The following TENM3 variants were observed in gnomAD, a reference collection of about 807,000 sequenced individuals.
TENM3 encodes teneurin transmembrane protein 3, also known as teneurin-3.
Under a neutral mutation model 255.1 loss-of-function variants are expected in TENM3, and 63 were observed. The observed-to-expected ratio is 0.25, with a 90% CI of 0.20 to 0.30. The LOEUF (loss-of-function observed/expected upper bound fraction) is 0.30, where lower values mean the gene tolerates loss of function less well. Ranked by LOEUF, TENM3 falls within the 10% of genes least tolerant of loss-of-function variation. The pLI is 1.00. For synonymous variants in TENM3, 1,306 were observed against 1,322.3 expected (o/e 0.99, Z 0.27); for missense variants, 2,929 against 3,461.1 (o/e 0.85, Z 3.86).
At chr4:182,182,536 C>T (rs531522965) in intron 1 of TENM3, among the ~76,000 whole-genome samples, 1 of 152,216 alleles carries the variant, frequency 6.6e-6, no homozygotes, top group African/African-American at 2.4e-5. Context: ...ATTTCTGCAC[C>T]AGGAGAATGA....
chr4:181,693,301 C>A, the TENM3 span, among the ~76,000 whole-genome samples: 3 of 152,190 alleles, frequency 2.0e-5, no homozygotes, highest in Non-Finnish European at 4.4e-5. Context: ...ATATTCATTT[C>A]GCTATGACTC....
At chr4:182,343,823 A>G (rs931066025) in intron 2 of TENM3, among the ~76,000 whole-genome samples, 1 of 152,314 alleles carries the variant, frequency 6.6e-6, no homozygotes, top group Non-Finnish European at 1.5e-5. Flanking sequence ...AGATCTTTCC[A>G]GGGGTGTTTG....
At chr4:182,117,336 C>G in the TENM3 span, among the ~76,000 whole-genome samples, 1 of 152,122 alleles carries the variant, frequency 6.6e-6, no homozygotes, top group Non-Finnish European at 1.5e-5. Flanking sequence ...TTGACAAAGG[C>G]ACGGATGATG....
At chr4:182,180,965 TGAA>T (rs532071469) in intron 1 of TENM3, among the ~76,000 whole-genome samples, 1 of 152,106 alleles carries the variant, frequency 6.6e-6, no homozygotes, top group African/African-American at 2.4e-5. Context: ...GTCACCTGAC[TGAA>T]GAAGAATTCT....
At chr4:182,603,367 T>C (rs933767305) in intron 4 of TENM3, among the ~76,000 whole-genome samples, 3 of 152,202 alleles carry the variant, frequency 2.0e-5, no homozygotes, top group Non-Finnish European at 4.4e-5. Context: ...TACAGAATAA[T>C]TAATCTAAAA....
At chr4:181,737,872 A>G in the TENM3 span, among the ~76,000 whole-genome samples, 1 of 150,822 alleles carries the variant, frequency 6.6e-6, no homozygotes, top group African/African-American at 2.4e-5. Context: ...AGGATGTGGT[A>G]TTACATAAAT....
At chr4:181,784,575 T>C in the TENM3 span, among the ~76,000 whole-genome samples, 94 of 152,274 alleles carry the variant, frequency 6.2e-4, no homozygotes, top group Non-Finnish European at 4.9e-4. Context: ...CTGTGTTTTG[T>C]CCTTTCAAAT....
At chr4:182,598,198 A>G (rs564921541) in intron 3 of TENM3, among the ~76,000 whole-genome samples, 1 of 152,086 alleles carries the variant, frequency 6.6e-6, no homozygotes, top group Non-Finnish European at 1.5e-5. Flanking sequence ...AATTAAAAAA[A>G]TTTTTTTTAA....
chr4:182,753,741 A>G (rs1762528682), intron 21 of TENM3, 137 bp downstream of exon 21: 2 of 673,912 alleles, frequency 3.0e-6, no homozygotes, highest in Non-Finnish European at 4.7e-6. Context: ...TTCCATTTAC[A>G]TGTATCACAG....
chr4:181,738,602 G>A, the TENM3 span, among the ~76,000 whole-genome samples: 86 of 152,070 alleles, frequency 5.7e-4, no homozygotes, highest in African/African-American at 1.8e-3. Context: ...TTGATTGTTC[G>A]TAGCATTTCC....
At chr4:182,593,542 G>T (rs1746881851) in intron 3 of TENM3, among the ~76,000 whole-genome samples, 1 of 152,112 alleles carries the variant, frequency 6.6e-6, no homozygotes, top group African/African-American at 2.4e-5. Flanking sequence ...CTCCCTTCCA[G>T]ATTAGGGTAT....
the TENM3 span, among the ~76,000 whole-genome samples, chr4:181,650,333 C>T: frequency 6.6e-6 from 1 of 152,128 alleles, no homozygotes; most frequent in Non-Finnish European, 1.5e-5. Flanking sequence ...AGAGCATAAA[C>T]AAAGCATGTA....
chr4:182,779,312 G>A (rs1332217561), intron 24 of TENM3, among the ~76,000 whole-genome samples: 1 of 151,622 alleles, frequency 6.6e-6, no homozygotes, highest in African/African-American at 2.4e-5. Flanking sequence ...ACGGTGTTTG[G>A]TTTTTTTGTA....
At chr4:182,055,269 C>A in the TENM3 span, among the ~76,000 whole-genome samples, 1 of 151,964 alleles carries the variant, frequency 6.6e-6, no homozygotes, top group Non-Finnish European at 1.5e-5. Context: ...ATTGCTTGAG[C>A]CTGAGGAGGT....
intron 1 of TENM3, among the ~76,000 whole-genome samples, chr4:182,259,486 A>AT (rs1383963833): frequency 6.6e-6 from 1 of 151,780 alleles, no homozygotes; most frequent in Non-Finnish European, 1.5e-5. Flanking sequence ...TAATTTTTAA[A>AT]TTTTTTTGTA....
rs1157824074 is a variant in TENM3 at position 182,751,932 on chromosome 4, A to G, written c.3762A>G (p.Ala1254=). ...LTGAKDLTKN[A]EVVAGTGEQC... ...GGGCAAAAGACTTGACTAAAAATGC[A>G]GAAGTCGTCGCAGGGACAGGGGAGC... The change falls in exon 20 of 28, where the codon GCA becomes GCG. Residue 1254 remains alanine (A), a synonymous_variant. Transcript: ENST00000511685. 3 of 1,613,962 alleles carry G rather than the reference A, an allele frequency of 1.9e-6. No individual in the cohort carries two copies. Among genetic ancestry groups the G allele is most frequent in the Admixed American group, 1.7e-5 (1 of 60,012 alleles).
chr4:182,499,440 C>T (rs1367362637), intron 3 of TENM3, among the ~76,000 whole-genome samples: 1 of 152,100 alleles, frequency 6.6e-6, no homozygotes, highest in African/African-American at 2.4e-5. Context: ...GTATTTGAAC[C>T]CAGGTTTATG....
At chr4:182,096,652 C>T in the TENM3 span, among the ~76,000 whole-genome samples, 5 of 152,104 alleles carry the variant, frequency 3.3e-5, no homozygotes, top group Non-Finnish European at 7.4e-5. Flanking sequence ...GATGACTTGA[C>T]GACTAAGCCA....
At chr4:181,486,792 A>G in the TENM3 span, among the ~76,000 whole-genome samples, 2 of 152,130 alleles carry the variant, frequency 1.3e-5, no homozygotes, top group Non-Finnish European at 2.9e-5. Flanking sequence ...CAGATAATAA[A>G]CCTAAAGACG....
Sources: gnomAD v4.1 joint callset for allele counts (sites outside exome capture counted in the v4.1 genomes callset) on GRCh38, gnomAD v4.1.1 for gene constraint, MANE v1.5 for transcripts, NCBI Gene and HGNC (gene_info 2026-07-23, HGNC 2026-07-21) for gene names.